CDK17: variants seen among roughly 807,000 people sequenced by gnomAD.
CDK17 encodes the protein cyclin-dependent kinase 17.
A neutral mutation model predicts 77.6 loss-of-function variants in CDK17; 24 were observed. That is an observed-to-expected ratio of 0.31 (90% CI 0.22 to 0.44). The LOEUF (loss-of-function observed/expected upper bound fraction) is 0.44, where lower values mean the gene tolerates loss of function less well. Among genes scored for constraint, CDK17 ranks in the 20% least tolerant of loss-of-function variants. The pLI is 1.00. For missense variants in CDK17, 429 were observed against 622.5 expected (o/e 0.69, Z 3.31); for synonymous variants, 203 against 210.4 (o/e 0.96, Z 0.30).
intron 1 of CDK17, among the ~76,000 whole-genome samples, chr12:96,395,684 C>T (rs573394845): frequency 9.2e-5 from 14 of 152,284 alleles, no homozygotes; most frequent in African/African-American, 3.4e-4. Flanking sequence ...AGTGTGATGG[C>T]TATTAGAGGT....
intron 1 of CDK17, among the ~76,000 whole-genome samples, chr12:96,394,016 G>A (rs958019302): frequency 2.0e-5 from 3 of 152,066 alleles, no homozygotes; most frequent in Non-Finnish European, 4.4e-5. Context: ...GGGAGGCCAA[G>A]GCAGGCAGAT....
intron 6 of CDK17, among the ~76,000 whole-genome samples, chr12:96,299,449 G>C (rs566797336): frequency 6.8e-6 from 1 of 147,358 alleles, no homozygotes; most frequent in East Asian, 2.0e-4. Flanking sequence ...AGAGTGCAGT[G>C]GCACAATCTT....
At chr12:96,378,143 C>A (rs1395330262) in intron 1 of CDK17, among the ~76,000 whole-genome samples, 1 of 152,182 alleles carries the variant, frequency 6.6e-6, no homozygotes, top group African/African-American at 2.4e-5. Context: ...TCATGTAGCT[C>A]ACACTTGAAA....
chr12:96,321,906 A>T (rs1054791403), intron 3 of CDK17, among the ~76,000 whole-genome samples: 3 of 149,398 alleles, frequency 2.0e-5, no homozygotes. Flanking sequence ...ACATGTATAC[A>T]TATGTAACTA....
At chr12:96,308,229 T>TAAAAAA (rs61572243) in intron 5 of CDK17, among the ~76,000 whole-genome samples, 1 of 63,748 alleles carries the variant, frequency 1.6e-5, no homozygotes, top group African/African-American at 5.8e-5. Context: ...ATGCCATCTC[T>TAAAAAA]AAAAAAAAAA....
At chr12:96,295,303 G>T in intron 9 of CDK17, 181 bp from the exon 10 acceptor site, 2 of 413,332 alleles carry the variant, frequency 4.8e-6, no homozygotes, top group East Asian at 3.8e-5. Context: ...GAATTTAATA[G>T]TTTATTATTC....
At chr12:96,315,210 T>C (rs1022353929) in intron 3 of CDK17, among the ~76,000 whole-genome samples, 4 of 152,214 alleles carry the variant, frequency 2.6e-5, no homozygotes, top group Non-Finnish European at 2.9e-5. Flanking sequence ...AATATTTACA[T>C]ATAAAATCAT....
chr12:96,316,104 G>C (rs901326914), intron 3 of CDK17, among the ~76,000 whole-genome samples: 7 of 152,176 alleles, frequency 4.6e-5, no homozygotes, highest in Non-Finnish European at 1.0e-4. Flanking sequence ...TGTGCGCACC[G>C]TGCACTAGCC....
chr12:96,391,664 T>G (rs1954070911), intron 1 of CDK17, among the ~76,000 whole-genome samples: 1 of 152,212 alleles, frequency 6.6e-6, no homozygotes, highest in Admixed American at 6.5e-5. Context: ...AAATGAGTAC[T>G]TTCTTTACAT....
chr12:96,399,995 C>T lies in CDK17; in HGVS notation c.-39G>A. On this transcript the variant is annotated 5_prime_UTR_variant, in exon 1 of 17. Transcript: ENST00000261211. ...CCAGCCGCCAACTCACCAGCAAGAG[C>T]GGGGACCGCGGGTCCCGAGGCGAGG... 1 of 381,246 alleles carries T rather than the reference C, an allele frequency of 2.6e-6. No individual in the cohort carries two copies. The highest frequency in any genetic ancestry group is 4.6e-6 in the Non-Finnish European group (1 of 215,230). 23.6% of individuals were successfully genotyped at this position (381,246 alleles called of 1,614,324 possible).
chr12:96,344,814 T>A (rs770574989), intron 1 of CDK17, among the ~76,000 whole-genome samples: 6 of 152,226 alleles, frequency 3.9e-5, no homozygotes, highest in South Asian at 4.1e-4. Context: ...CTTGTTTTTT[T>A]AATTATTTTA....
chr12:96,388,278 A>G (rs1954010487), intron 1 of CDK17, among the ~76,000 whole-genome samples: 1 of 152,190 alleles, frequency 6.6e-6, no homozygotes, highest in Non-Finnish European at 1.5e-5. Flanking sequence ...GCCCTAAGGA[A>G]AGCTTACAGA....
In CDK17 at chr12:96,280,296, T is replaced by A; in HGVS notation, c.1535-17A>T. ...TCCCATGTCCTAAAATATAAAGTCA[T>A]TTTATGAGGCAGTTCAAGGTTCAGT... is the stretch of plus-strand genomic sequence containing the variant. On this transcript the variant is annotated splice_polypyrimidine_tract_variant and intron_variant, in intron 16 of 16. Transcript: ENST00000261211. 4 of 1,550,516 alleles carry A rather than the reference T, an allele frequency of 2.6e-6. No homozygotes were observed. The highest frequency in any genetic ancestry group is 3.5e-6 in the Non-Finnish European group (4 of 1,146,392).
In CDK17 at chr12:96,334,520, G is replaced by A. The variant is rs372587382; in HGVS notation, c.118+199C>T. Among the ~76,000 whole-genome samples the A allele has an allele frequency of 3.3e-5, 5 of 152,176 alleles. No homozygotes were observed. In the East Asian group the frequency reaches 7.7e-4, roughly 23 times the overall value. On this transcript the variant is annotated intron_variant, in intron 2 of 16. Transcript: ENST00000261211. ...TCATCAGGGTTTGAGACCAGGTATC[G>A]TAATGTTGGAGTGAGAGGGAAATAT...
At chr12:96,347,134 C>G (rs1953227083) in intron 1 of CDK17, among the ~76,000 whole-genome samples, 1 of 151,956 alleles carries the variant, frequency 6.6e-6, no homozygotes, top group Non-Finnish European at 1.5e-5. Context: ...CGTTTACACA[C>G]CTAAAAACAG....
intron 2 of CDK17, among the ~76,000 whole-genome samples, chr12:96,333,149 G>A (rs926289904): frequency 6.6e-6 from 1 of 151,838 alleles, no homozygotes; most frequent in African/African-American, 2.4e-5. Flanking sequence ...AATTCAATGG[G>A]GGGGGGTCCC....
intron 1 of CDK17, among the ~76,000 whole-genome samples, chr12:96,398,508 A>C (rs1954207856): frequency 6.6e-6 from 1 of 152,246 alleles, no homozygotes. Context: ...AAGGTATCAA[A>C]GGTCTTCAAA....
At chr12:96,363,774 T>G (rs1953536580) in intron 1 of CDK17, among the ~76,000 whole-genome samples, 1 of 152,190 alleles carries the variant, frequency 6.6e-6, no homozygotes, top group South Asian at 2.1e-4. Context: ...TGCCTGAACC[T>G]GGGAGGTGGA....
In CDK17 at chr12:96,299,026, G is replaced by C. The variant is rs756795498; in HGVS notation, c.601-43C>G. 3.7e-5 allele frequency: 36 copies of C among 970,372 alleles called. 1 individual carries two copies. The highest frequency in any genetic ancestry group is 3.5e-4 in the South Asian group (24 of 69,486). The allele number at this position is 970,372 out of a possible 1,614,324, so 60.1% of individuals were successfully genotyped here. ...AAAGGACGCATCAAAAGTATCATAA[G>C]AGTCTATTTAATACCATCTTATAAT... On this transcript the variant is annotated intron_variant, in intron 6 of 16. Coordinates refer to ENST00000261211, the MANE Select transcript of CDK17 (RefSeq NM_002595.5).
Sources: allele counts gnomAD v4.1 joint callset (sites outside exome capture counted in the v4.1 genomes callset), GRCh38; gene constraint gnomAD v4.1.1; transcripts MANE v1.5; gene names NCBI Gene and HGNC (gene_info 2026-07-23, HGNC 2026-07-21).